TMEM39A: variants seen among roughly 807,000 people sequenced by gnomAD.
TMEM39A encodes the protein suppressor of SQST-1 aggregates in rpl-43 mutants.
A neutral mutation model predicts 51.9 loss-of-function variants in TMEM39A; 19 were observed. That is an observed-to-expected ratio of 0.37 (90% CI 0.26 to 0.54). The LOEUF (loss-of-function observed/expected upper bound fraction) is 0.54. TMEM39A is among the 20% of genes least tolerant of loss of function. The pLI is 0.88. For synonymous variants in TMEM39A, 197 were observed against 220.2 expected (o/e 0.89, Z 0.93); for missense variants, 433 against 590.5 (o/e 0.73, Z 2.76).
rs534679273 is a variant in TMEM39A at position 119,454,513 on chromosome 3, C to T, written c.337-1983G>A. Among the ~76,000 whole-genome samples, 7 of 152,266 alleles carry T rather than the reference C, an allele frequency of 4.6e-5. No individual in the cohort carries two copies. In the East Asian group the frequency reaches 9.6e-4, roughly 21 times the overall value. On this transcript the variant is annotated intron_variant, in intron 3 of 8. Coordinates refer to ENST00000319172, the MANE Select transcript of TMEM39A (RefSeq NM_018266.3). ...CATTTTTAAAAATCAAAATATTGGC[C>T]GGGTGCGGTGGCTCACGCCTGTAAT...
rs1253656025 is a variant in TMEM39A, at chr3:119,429,820, C to A, written c.*2161G>T. ...TCTTATATCCACTTACTTATTTAGC[C>A]AAGCCAGCATCTGGTTCTGTGCTAT... On this transcript the variant is annotated 3_prime_UTR_variant, in exon 9 of 9. Coordinates refer to ENST00000319172, the MANE Select transcript of TMEM39A (RefSeq NM_018266.3). The A allele has an allele frequency of 1.3e-5, 2 of 152,076 alleles. No homozygotes were observed. The highest frequency in any genetic ancestry group is 2.9e-5 in the Non-Finnish European group (2 of 68,000). The allele number at this position is 152,076 out of a possible 1,614,324, so 9.4% of individuals were successfully genotyped here. A position where few individuals can be genotyped will look rare whatever the true frequency, so the allele number is the denominator to read the frequency against.
At chr3:119,455,971 T>TA (rs1039970240) in intron 3 of TMEM39A, among the ~76,000 whole-genome samples, 7 of 152,212 alleles carry the variant, frequency 4.6e-5, no homozygotes, top group African/African-American at 9.6e-5. Context: ...TTATAGGTCT[T>TA]ACATTCATTT....
chr3:119,455,594 A>T (rs559905970), intron 3 of TMEM39A, among the ~76,000 whole-genome samples: 205 of 152,324 alleles, frequency 1.3e-3, no homozygotes, highest in Admixed American at 1.3e-3. Context: ...GAAAGGTAGC[A>T]AAAGGCATCC....
intron 5 of TMEM39A, among the ~76,000 whole-genome samples, chr3:119,445,579 A>G (rs530205454): frequency 3.3e-5 from 5 of 152,196 alleles, no homozygotes; most frequent in Non-Finnish European, 5.9e-5. Flanking sequence ...TTTTATTTAT[A>G]TGAATTTAAC....
chr3:119,432,291 TA>T, intron 8 of TMEM39A, 77 bp from the exon 9 acceptor site: 1 of 1,019,120 alleles, frequency 9.8e-7, no homozygotes, highest in Non-Finnish European at 1.4e-6. Flanking sequence ...TTGATTTTTC[TA>T]AAATAATTTA....
chr3:119,457,395 C>T (rs1015666463), intron 3 of TMEM39A, among the ~76,000 whole-genome samples: 4 of 152,210 alleles, frequency 2.6e-5, no homozygotes, highest in African/African-American at 9.6e-5. Flanking sequence ...TTTAAGTTCA[C>T]TATGTACCCA....
intron 5 of TMEM39A, among the ~76,000 whole-genome samples, chr3:119,442,964 G>A (rs1323484618): frequency 6.6e-6 from 1 of 151,740 alleles, no homozygotes; most frequent in Non-Finnish European, 1.5e-5. Context: ...TACTTGAGAG[G>A]CTGAGGTGGG....
chr3:119,455,301 T>G (rs1178694551), intron 3 of TMEM39A, among the ~76,000 whole-genome samples: 2 of 152,230 alleles, frequency 1.3e-5, no homozygotes, highest in Non-Finnish European at 2.9e-5. Flanking sequence ...TGATACAGGC[T>G]CCTTTCAGAT....
chr3:119,448,033 C>G (rs907046328), intron 4 of TMEM39A, among the ~76,000 whole-genome samples: 2 of 152,184 alleles, frequency 1.3e-5, no homozygotes, highest in African/African-American at 4.8e-5. Flanking sequence ...ATCCTCACCT[C>G]TAATTTGCTT....
intron 5 of TMEM39A, among the ~76,000 whole-genome samples, chr3:119,440,014 C>G (rs952576981): frequency 6.6e-6 from 1 of 152,136 alleles, no homozygotes; most frequent in African/African-American, 2.4e-5. Context: ...GTGATCCTAC[C>G]GCCTGGGCCT....
At chr3:119,437,523 TAAAAAAAA>T (rs543556839) in intron 6 of TMEM39A, among the ~76,000 whole-genome samples, 13 of 96,616 alleles carry the variant, frequency 1.3e-4, no homozygotes, top group South Asian at 9.1e-4. Context: ...TAAAAATACT[TAAAAAAAA>T]AAAAAAAAAG....
At position 119,458,019 on chromosome 3, in the gene TMEM39A, A is replaced by T. The variant is rs780464549; in HGVS notation, c.335T>A (p.Leu112Gln). Residue 112 changes from leucine (L) to glutamine (Q), a missense_variant and splice_region_variant, in exon 3 of 9, where the codon CTG becomes CAG. By Grantham distance (113) the Leu-to-Gln change is moderately radical. Coordinates refer to ENST00000319172, the MANE Select transcript of TMEM39A (RefSeq NM_018266.3). ...ACTTAAAGTCTGAGTAAGACTTACC[A>T]GTGATGTACAAGAAGCAGGATGATT... ...PYNHPASCTSLNFHLIDYHLA... is the reference protein window; with the variant it reads ...PYNHPASCTSQNFHLIDYHLA... 2.5e-6 allele frequency: 4 copies of T among 1,610,504 alleles called. No individual in the cohort carries two copies. The African/African-American group carries it at 5.3e-5, about 22-fold the overall frequency.
chr3:119,457,943 A>G lies in TMEM39A; in HGVS notation c.336+75T>C, dbSNP rs1370434037. ...AAAAGAAAAATTATTAAGAAAAACA[A>G]TTTCTACAGAAAGGCTTTCCAGGTA... On this transcript the variant is annotated intron_variant, in intron 3 of 8. Transcript: ENST00000319172. The G allele has an allele frequency of 2.7e-6, 3 of 1,130,550 alleles. No homozygotes were observed. The African/African-American group carries it at 4.7e-5, about 18-fold the overall frequency. The allele number at this position is 1,130,550 out of a possible 1,614,324, so 70.0% of individuals were successfully genotyped here. A position where few individuals can be genotyped will look rare whatever the true frequency, so the allele number is the denominator to read the frequency against.
chr3:119,445,180 G>A (rs2081107412), intron 5 of TMEM39A, among the ~76,000 whole-genome samples: 1 of 152,140 alleles, frequency 6.6e-6, no homozygotes, highest in African/African-American at 2.4e-5. Context: ...AGTCTTGACA[G>A]GGGATTAAGT....
At chr3:119,453,629 TG>T (rs2107683890) in intron 3 of TMEM39A, among the ~76,000 whole-genome samples, 1 of 152,326 alleles carries the variant, frequency 6.6e-6, no homozygotes, top group East Asian at 1.9e-4. Flanking sequence ...ATATGATAAC[TG>T]GAGTTAGAGT....
At chr3:119,455,179 G>C (rs1424626281) in intron 3 of TMEM39A, among the ~76,000 whole-genome samples, 1 of 152,194 alleles carries the variant, frequency 6.6e-6, no homozygotes, top group Non-Finnish European at 1.5e-5. Context: ...ATTTGGGACA[G>C]AAGTCCTTGC....
chr3:119,447,579 T>C (rs1447574744), intron 4 of TMEM39A, among the ~76,000 whole-genome samples: 1 of 152,272 alleles, frequency 6.6e-6, no homozygotes, highest in East Asian at 1.9e-4. Flanking sequence ...AAGCAACCTA[T>C]ATTTTAACAA....
At chr3:119,435,306 A>G (rs774020589) in intron 7 of TMEM39A, 14 of 985,422 alleles carry the variant, frequency 1.4e-5, no homozygotes, top group Non-Finnish European at 1.7e-5. Flanking sequence ...CACATTGTCA[A>G]TCTAGCATGA....
chr3:119,434,516 G>A (rs180788973), intron 8 of TMEM39A, among the ~76,000 whole-genome samples: 2 of 152,006 alleles, frequency 1.3e-5, no homozygotes, highest in East Asian at 1.9e-4. Context: ...TACTAGATTC[G>A]ACAAATACCA....
Sources: gnomAD v4.1 joint callset for allele counts (sites outside exome capture counted in the v4.1 genomes callset) on GRCh38, gnomAD v4.1.1 for gene constraint, MANE v1.5 for transcripts, NCBI Gene and HGNC (gene_info 2026-07-23, HGNC 2026-07-21) for gene names.